Variants in RBFOX1 observed in about 807,000 individuals in gnomAD.
RBFOX1 encodes the protein RNA binding fox-1 homolog 1.
A neutral mutation model predicts 57.7 loss-of-function variants in RBFOX1; 8 were observed. The ratio of observed to expected loss-of-function variants is 0.14; its 90% CI spans 0.08 to 0.25. RBFOX1 has a LOEUF of 0.25. RBFOX1 is among the 10% of genes least tolerant of loss of function. The pLI is 1.00. For synonymous variants in RBFOX1, 326 were observed against 222.4 expected (o/e 1.47, Z -4.15); for missense variants, 611 against 548.5 (o/e 1.11, Z -1.14).
chr16:6,203,463 C>G (rs1047022027), intron 1 of RBFOX1, among the ~76,000 whole-genome samples: 1 of 152,108 alleles, frequency 6.6e-6, no homozygotes, highest in Non-Finnish European at 1.5e-5. Flanking sequence ...TGCATGTATG[C>G]CATTTTCTTT....
At chr16:5,434,737 T>A (rs1374259739) in intron 1 of RBFOX1, among the ~76,000 whole-genome samples, 2 of 152,220 alleles carry the variant, frequency 1.3e-5, no homozygotes. Context: ...TTTAGCTTAT[T>A]TGCAATACCT....
At chr16:6,563,548 G>A (rs1459551468) in intron 2 of RBFOX1, among the ~76,000 whole-genome samples, 2 of 152,106 alleles carry the variant, frequency 1.3e-5, no homozygotes, top group East Asian at 1.9e-4. Context: ...AGTTGGGTAA[G>A]CCGATAAAAA....
chr16:6,703,766 C>G (rs1195882763), intron 3 of RBFOX1: 2 of 152,202 alleles, frequency 1.3e-5, no homozygotes, highest in African/African-American at 2.4e-5. Flanking sequence ...ACAAGACCAG[C>G]AACTGAATCC....
chr16:5,405,327 C>T (rs1054521101), intron 1 of RBFOX1, among the ~76,000 whole-genome samples: 1 of 152,162 alleles, frequency 6.6e-6, no homozygotes, highest in East Asian at 1.9e-4. Context: ...AACTATGGGA[C>T]TGGGTCTTTC....
At chr16:5,906,793 G>A (rs2058469442) in intron 4 of RBFOX1, among the ~76,000 whole-genome samples, 1 of 132,490 alleles carries the variant, frequency 7.5e-6, no homozygotes, top group Admixed American at 8.9e-5. Flanking sequence ...GGAGTGCAGT[G>A]ACGCTTTCTT....
At chr16:6,621,183 C>T (rs1024348499) in intron 2 of RBFOX1, among the ~76,000 whole-genome samples, 8 of 152,300 alleles carry the variant, frequency 5.3e-5, no homozygotes, top group African/African-American at 1.2e-4. Context: ...CTAGTCAGGC[C>T]GGGCGCGGTG....
intron 10 of RBFOX1, among the ~76,000 whole-genome samples, chr16:7,627,137 TTTC>T (rs2060199165): frequency 6.6e-6 from 1 of 150,642 alleles, no homozygotes; most frequent in Admixed American, 6.6e-5. Context: ...TTTTTTTTTT[TTTC>T]TTTTAAGTTG....
chr16:7,562,217 T>C (rs1300176256), intron 5 of RBFOX1, among the ~76,000 whole-genome samples: 1 of 152,180 alleles, frequency 6.6e-6, no homozygotes, highest in East Asian at 1.9e-4. Context: ...CAGAGCTGTG[T>C]ACCTGCTTTT....
At chr16:6,118,017 T>A (rs1180805610) in intron 1 of RBFOX1, among the ~76,000 whole-genome samples, 3 of 152,188 alleles carry the variant, frequency 2.0e-5, no homozygotes, top group Non-Finnish European at 4.4e-5. Flanking sequence ...AATTTAAAAA[T>A]TTTTTGAGAT....
At chr16:7,217,645 ATG>A (rs1365048181) in intron 4 of RBFOX1, among the ~76,000 whole-genome samples, 1 of 152,120 alleles carries the variant, frequency 6.6e-6, no homozygotes, top group Non-Finnish European at 1.5e-5. Flanking sequence ...GGAAAAAAAA[ATG>A]TCAGTGTTTA....
chr16:5,681,390 T>TTTC (rs1491378289), intron 3 of RBFOX1, among the ~76,000 whole-genome samples: 2 of 124,914 alleles, frequency 1.6e-5, no homozygotes, highest in African/African-American at 7.0e-5. Flanking sequence ...AGCTTTTTTC[T>TTTC]TTTTTTTTTT....
At chr16:6,850,663 A>G (rs56244515) in intron 3 of RBFOX1, among the ~76,000 whole-genome samples, 7,211 of 152,252 alleles carry the variant, frequency 0.047, 270 homozygotes, top group East Asian at 0.19. Flanking sequence ...ACCTTCTTTC[A>G]TTTTAACTTC....
At chr16:5,456,959 C>G (rs557379848) in intron 1 of RBFOX1, among the ~76,000 whole-genome samples, 1 of 152,142 alleles carries the variant, frequency 6.6e-6, no homozygotes, top group Non-Finnish European at 1.5e-5. Flanking sequence ...GCTGCTATAA[C>G]AAATATGGGT....
chr16:5,847,801 C>A (rs1480183073), intron 3 of RBFOX1, among the ~76,000 whole-genome samples: 1 of 152,052 alleles, frequency 6.6e-6, no homozygotes, highest in Non-Finnish European at 1.5e-5. Flanking sequence ...TCATGGAAGT[C>A]AATGAAATGA....
rs538566641 is a variant in RBFOX1, at chr16:6,179,370, T to C, written c.-126-137625T>C. On this transcript the variant is annotated intron_variant, in intron 1 of 15. Coordinates refer to ENST00000550418, the MANE Select transcript of RBFOX1 (RefSeq NM_018723.4). ...CACCTGTGTCCGCAGGTGGGGAGATTGATGTTTAGAGCTAGGTTTATCTGT... is the reference window on the plus strand; with the variant it reads ...CACCTGTGTCCGCAGGTGGGGAGATCGATGTTTAGAGCTAGGTTTATCTGT... Among the ~76,000 whole-genome samples the C allele has an allele frequency of 2.6e-5, 4 of 152,256 alleles. No homozygotes were observed. The East Asian group carries it at 7.7e-4, about 29-fold the overall frequency.
At chr16:7,560,191 C>A (rs2089973950) in intron 5 of RBFOX1, among the ~76,000 whole-genome samples, 1 of 152,188 alleles carries the variant, frequency 6.6e-6, no homozygotes, top group Non-Finnish European at 1.5e-5. Flanking sequence ...GCAAACCTGT[C>A]AACTTTTCTG....
chr16:6,709,788 C>A (rs762398838), intron 3 of RBFOX1, among the ~76,000 whole-genome samples: 1 of 152,126 alleles, frequency 6.6e-6, no homozygotes, highest in South Asian at 2.1e-4. Flanking sequence ...GGAGATACTG[C>A]GGCAAGTATC....
chr16:6,921,786 GCA>G (rs34504925), intron 3 of RBFOX1, among the ~76,000 whole-genome samples: 29,762 of 151,528 alleles, frequency 0.2, 3,108 homozygotes, highest in Admixed American at 0.24. Context: ...TGTTGTATAT[GCA>G]CACACACATG....
chr16:6,639,517 G>T (rs1215354114), intron 2 of RBFOX1, among the ~76,000 whole-genome samples: 2 of 151,930 alleles, frequency 1.3e-5, no homozygotes, highest in East Asian at 3.9e-4. Flanking sequence ...ATATTGAGAA[G>T]GAAGAACAAT....
Sources: gnomAD v4.1 joint callset for allele counts (sites outside exome capture counted in the v4.1 genomes callset) on GRCh38, gnomAD v4.1.1 for gene constraint, MANE v1.5 for transcripts, NCBI Gene and HGNC (gene_info 2026-07-23, HGNC 2026-07-21) for gene names.